The following MAP9 variants were observed in gnomAD, a reference collection of about 807,000 sequenced individuals.
MAP9 encodes the protein microtubule-associated protein 9.
In MAP9, 80 loss-of-function variants were observed where a neutral mutation model predicts 75.2. That is an observed-to-expected ratio of 1.06 (90% CI 0.89 to 1.28). MAP9 has a LOEUF of 1.28. MAP9 is among the 50% of genes most tolerant of loss of function. MAP9 has a pLI of 0.00. For synonymous variants in MAP9, 235 were observed against 237.3 expected (o/e 0.99, Z 0.09); for missense variants, 753 against 719.9 (o/e 1.05, Z -0.53).
chr4:155,375,839 T>C lies in MAP9; in HGVS notation c.12A>G (p.Glu4=). Residue 4 remains glutamate, a synonymous_variant, in exon 2 of 14, where the codon GAA becomes GAG. Coordinates refer to ENST00000311277, the MANE Select transcript of MAP9 (RefSeq NM_001039580.2). ...TATATGCCAAAGTGGTGCTAAAAAC[T>C]TCATCAGACATAGTGTATTTTTTCT... MSD[E]VFSTTLAYTK... 6.2e-7 allele frequency: 1 copy of C among 1,608,714 alleles called. No homozygotes were observed. The highest frequency in any genetic ancestry group is 8.5e-7 in the Non-Finnish European group (1 of 1,176,528).
chr4:155,374,234 G>C (rs565464869), intron 3 of MAP9, among the ~76,000 whole-genome samples: 13 of 152,256 alleles, frequency 8.5e-5, no homozygotes, highest in African/African-American at 2.9e-4. Flanking sequence ...AGCTACTCAG[G>C]AGGCTGAAGG....
intron 7 of MAP9, among the ~76,000 whole-genome samples, chr4:155,358,373 G>GT (rs984989142): frequency 1.3e-5 from 2 of 152,082 alleles, no homozygotes; most frequent in African/African-American, 4.8e-5. Context: ...TAGCAGTAGT[G>GT]TTTTTTTCCT....
intron 5 of MAP9, among the ~76,000 whole-genome samples, chr4:155,363,976 T>C (rs979292515): frequency 2.0e-5 from 3 of 152,078 alleles, no homozygotes; most frequent in Non-Finnish European, 4.4e-5. Flanking sequence ...TATCAGCTTA[T>C]AGGTTTGGAA....
chr4:155,367,886 C>T (rs1048032925), intron 5 of MAP9, among the ~76,000 whole-genome samples: 11 of 152,218 alleles, frequency 7.2e-5, no homozygotes, highest in African/African-American at 2.7e-4. Flanking sequence ...GAAGCTTGGC[C>T]AGGTGGCATG....
chr4:155,371,368 T>C (rs896613035), intron 4 of MAP9, among the ~76,000 whole-genome samples: 2 of 152,020 alleles, frequency 1.3e-5, no homozygotes, highest in Admixed American at 6.5e-5. Context: ...CATATATTAA[T>C]TTATTCATTT....
At chr4:155,376,640 C>T (rs763974129) in intron 1 of MAP9, 131 bp downstream of exon 1, 3 of 152,712 alleles carry the variant, frequency 2.0e-5, no homozygotes, top group Non-Finnish European at 2.9e-5. Context: ...CCGTGCACGT[C>T]CAAGCGCGGT....
rs560127582 is a variant in MAP9 at position 155,346,547 on chromosome 4, A to G, written c.*1236T>C. 6.6e-6 allele frequency: 1 copy of G among 152,216 alleles called. No homozygotes were observed. Among genetic ancestry groups the G allele is most frequent in the South Asian group, 2.1e-4 (1 of 4,816 alleles). The allele number at this position is 152,216 out of a possible 1,614,324, so 9.4% of individuals were successfully genotyped here. A position where few individuals can be genotyped will look rare whatever the true frequency, so the allele number is the denominator to read the frequency against. ...TCCCGTTTGATCTCAACTCAGGCAC[A>G]CTCCAGATGGACGGTAAGTTACTTG... On this transcript the variant is annotated 3_prime_UTR_variant, in exon 14 of 14. Coordinates refer to ENST00000311277, the MANE Select transcript of MAP9 (RefSeq NM_001039580.2).
chr4:155,355,996 C>T, intron 8 of MAP9, 112 bp from the exon 9 acceptor site: 1 of 945,358 alleles, frequency 1.1e-6, no homozygotes, highest in Non-Finnish European at 1.6e-6. Context: ...CATGATGGCT[C>T]ACACCTGTAA....
At chr4:155,355,345 C>A (rs112944935) in intron 9 of MAP9, among the ~76,000 whole-genome samples, 185 bp from the exon 10 acceptor site, 1 of 151,928 alleles carries the variant, frequency 6.6e-6, no homozygotes, top group Non-Finnish European at 1.5e-5. Flanking sequence ...TTCCTATGTA[C>A]GCCTAACAAC....
At chr4:155,373,566 G>A in intron 3 of MAP9, 110 bp from the exon 4 acceptor site, 1 of 647,794 alleles carries the variant, frequency 1.5e-6, no homozygotes, top group Non-Finnish European at 2.5e-6. Flanking sequence ...TTCTAACAAT[G>A]AATAGGCACA....
rs1033601296 is a variant in MAP9, at chr4:155,346,770, G to C, written c.*1013C>G. On this transcript the variant is annotated 3_prime_UTR_variant, in exon 14 of 14. Transcript: ENST00000311277. ...TGACTAATGCATTTCAGCTCCGTGA[G>C]CATACACTTGGTCTGTCTTAAACCA... 10 of 152,650 alleles carry C rather than the reference G, an allele frequency of 6.6e-5. No homozygotes were observed. Among genetic ancestry groups the C allele is most frequent in the African/African-American group, 2.4e-5 (1 of 41,548 alleles). 9.5% of individuals were successfully genotyped at this position (152,650 alleles called of 1,614,324 possible).
At position 155,343,157 on chromosome 4, in the gene MAP9, T is replaced by A. The variant is rs1484896791; in HGVS notation, c.*4626A>T. The A allele has an allele frequency of 4.6e-5, 7 of 150,922 alleles. No individual in the cohort carries two copies. The highest frequency in any genetic ancestry group is 5.9e-5 in the Non-Finnish European group (4 of 67,722). 9.3% of individuals were successfully genotyped at this position (150,922 alleles called of 1,614,324 possible). The stretch of plus-strand genomic sequence containing the variant: ...TTTCAAATAATAAAAAATATGTGTA[T>A]GTTTGAAAATATGCACATTAGTATT... On this transcript the variant is annotated 3_prime_UTR_variant, in exon 14 of 14. Coordinates refer to ENST00000311277, the MANE Select transcript of MAP9 (RefSeq NM_001039580.2).
At chr4:155,362,379 T>C in intron 5 of MAP9, 1 of 355,184 alleles carries the variant, frequency 2.8e-6, no homozygotes. Context: ...TTCAAGTTCT[T>C]TAACTACCAC....
At chr4:155,368,840 G>T (rs143524010) in intron 4 of MAP9, 28 bp from the exon 5 acceptor site, 1 of 1,559,568 alleles carries the variant, frequency 6.4e-7, no homozygotes, top group Non-Finnish European at 8.7e-7. Context: ...TAAAGTGTGT[G>T]TATAAAAAAA....
intron 4 of MAP9, among the ~76,000 whole-genome samples, chr4:155,371,348 A>C (rs774519334): frequency 1.3e-5 from 2 of 152,148 alleles, no homozygotes; most frequent in African/African-American, 4.8e-5. Flanking sequence ...TCTTTCAAAG[A>C]TAAATCATTC....
chr4:155,347,941 A>C (rs1757294683), intron 13 of MAP9, 36 bp from the exon 14 acceptor site: 1 of 1,243,088 alleles, frequency 8.0e-7, no homozygotes, highest in Non-Finnish European at 1.1e-6. Context: ...ATTTATGTAC[A>C]TATATGATTA....
chr4:155,355,837 G>A lies in MAP9; in HGVS notation c.1169C>T (p.Thr390Ile), dbSNP rs747497596. 8 of 1,613,576 alleles carry A rather than the reference G, an allele frequency of 5.0e-6. No homozygotes were observed. The highest frequency in any genetic ancestry group is 1.7e-5 in the Admixed American group (1 of 59,930). Residue 390 changes from threonine (T) to isoleucine (I), a missense_variant, in exon 9 of 14, where the codon ACT becomes ATT. Physicochemically the swap from Thr to Ile is moderately conservative, Grantham distance 89. Transcript: ENST00000311277. ...FLKKSSSKRRTPSTTTSSHYL... is the reference protein window; with the variant it reads ...FLKKSSSKRRIPSTTTSSHYL... ...GTGAGAAGAGGTAGTTGTCGATGGA[G>A]TTCTCCTTTTAGAACTAGATTTCTT... is the stretch of plus-strand genomic sequence containing the variant.
At chr4:155,350,476 T>C (rs961562894) in intron 13 of MAP9, among the ~76,000 whole-genome samples, 27 of 152,066 alleles carry the variant, frequency 1.8e-4, no homozygotes, top group African/African-American at 6.3e-4. Context: ...AGAAATTCTA[T>C]TCCATTTTCA....
chr4:155,369,022 C>T (rs992421690), intron 4 of MAP9, among the ~76,000 whole-genome samples: 1 of 152,030 alleles, frequency 6.6e-6, no homozygotes, highest in African/African-American at 2.4e-5. Context: ...CGCGGTGGCT[C>T]ACGCCTGTGA....
Sources: allele counts gnomAD v4.1 joint callset (sites outside exome capture counted in the v4.1 genomes callset), GRCh38; gene constraint gnomAD v4.1.1; transcripts MANE v1.5; gene names NCBI Gene and HGNC (gene_info 2026-07-23, HGNC 2026-07-21).